FGF14: variants seen among roughly 807,000 people sequenced by gnomAD.
FGF14 encodes fibroblast growth factor 14.
FGF14 carries 5 observed loss-of-function variants against 25.5 expected under a neutral mutation model. The ratio of observed to expected loss-of-function variants is 0.20; its 90% confidence interval spans 0.10 to 0.41. FGF14 has a LOEUF of 0.41. Ranked by LOEUF, FGF14 falls within the 10% of genes least tolerant of loss-of-function variation. The pLI is 1.00. For missense variants in FGF14, 222 were observed against 320.1 expected (o/e 0.69, Z 2.34); for synonymous variants, 138 against 118.3 (o/e 1.17, Z -1.08).
Position 102,033,424 on chromosome 13 carries a change from C to T in FGF14, c.209-158128G>A, listed in dbSNP as rs185454561. On this transcript the variant is annotated intron_variant, in intron 1 of 4. Coordinates refer to the FGF14 transcript ENST00000376131. ...AATTCCTGGGAGAAAAAGAAGCGTT[C>T]TATATTTTAAAAGAACACCAAGCTT... 4.0e-3 allele frequency among the ~76,000 whole-genome samples: 616 copies of T among 152,208 alleles called. 6 individuals are homozygous for T. Among genetic ancestry groups the T allele is most frequent in the African/African-American group, 0.014 (573 of 41,548 alleles).
At chr13:101,769,512 A>G (rs2038623870) in intron 3 of FGF14, among the ~76,000 whole-genome samples, 3 of 152,158 alleles carry the variant, frequency 2.0e-5, no homozygotes, top group Non-Finnish European at 2.9e-5. Flanking sequence ...GCAAATATCT[A>G]TGGCAGCTGC....
intron 1 of FGF14, among the ~76,000 whole-genome samples, chr13:102,247,026 T>C (rs1296838587): frequency 6.6e-6 from 1 of 152,076 alleles, no homozygotes; most frequent in Non-Finnish European, 1.5e-5. Context: ...CTGGGAAAAC[T>C]TGTTAGCCAT....
At chr13:102,326,693 G>GGGAAGGGAAGGGAAGGGAA in intron 1 of FGF14, among the ~76,000 whole-genome samples, 1 of 29,388 alleles carries the variant, frequency 3.4e-5, no homozygotes, top group Non-Finnish European at 6.3e-5. Flanking sequence ...GGGAAGGGAA[G>GGGAAGGGAAGGGAAGGGAA]GGAAGGAAGG....
chr13:102,227,970 A>G (rs1409928724), intron 1 of FGF14, among the ~76,000 whole-genome samples: 1 of 152,182 alleles, frequency 6.6e-6, no homozygotes, highest in Non-Finnish European at 1.5e-5. Context: ...TTTATTTTAA[A>G]TATGTTTACC....
chr13:101,937,487 G>A (rs1007670361), intron 1 of FGF14, among the ~76,000 whole-genome samples: 14 of 152,212 alleles, frequency 9.2e-5, no homozygotes, highest in Non-Finnish European at 8.8e-5. Context: ...GAAGGTGGCC[G>A]TGGGCAAGCC....
At chr13:102,266,535 T>C (rs1691916819) in intron 1 of FGF14, among the ~76,000 whole-genome samples, 1 of 152,104 alleles carries the variant, frequency 6.6e-6, no homozygotes, top group Non-Finnish European at 1.5e-5. Context: ...AAAGATCAGA[T>C]AAATACCGCA....
At chr13:101,723,430 CATTAA>C (rs1426195361) in intron 4 of FGF14, among the ~76,000 whole-genome samples, 3 of 152,178 alleles carry the variant, frequency 2.0e-5, no homozygotes, top group Admixed American at 6.5e-5. Flanking sequence ...CATCCTAGAA[CATTAA>C]ATTACTTTCT....
intron 1 of FGF14, among the ~76,000 whole-genome samples, chr13:102,059,920 C>T (rs1428374155): frequency 1.4e-5 from 2 of 140,690 alleles, no homozygotes; most frequent in African/African-American, 6.3e-5. Context: ...AACAAACAAA[C>T]AAAACAAAAG....
intron 1 of FGF14, among the ~76,000 whole-genome samples, chr13:102,328,772 T>G (rs2056543212): frequency 6.6e-6 from 1 of 152,204 alleles, no homozygotes; most frequent in Non-Finnish European, 1.5e-5. Context: ...CCCTAACAAA[T>G]AAATGGAGCC....
At chr13:102,114,717 T>A (rs593137) in intron 1 of FGF14, among the ~76,000 whole-genome samples, 5,761 of 152,194 alleles carry the variant, frequency 0.038, 327 homozygotes, top group African/African-American at 0.13. Context: ...GTAAGCAATA[T>A]AACTCAGTCA....
intron 1 of FGF14, among the ~76,000 whole-genome samples, chr13:102,307,493 A>C (rs1342771758): frequency 6.6e-6 from 1 of 152,206 alleles, no homozygotes; most frequent in East Asian, 1.9e-4. Context: ...TGAGTTTATA[A>C]AACTAAATTC....
chr13:101,946,510 A>G (rs1168925197), intron 1 of FGF14, among the ~76,000 whole-genome samples: 1 of 152,212 alleles, frequency 6.6e-6, no homozygotes, highest in East Asian at 1.9e-4. Flanking sequence ...AAGGCAATGC[A>G]GTCCATATGG....
intron 1 of FGF14, among the ~76,000 whole-genome samples, chr13:102,057,795 T>A (rs1047680691): frequency 6.6e-5 from 10 of 152,172 alleles, no homozygotes; most frequent in African/African-American, 2.4e-4. Flanking sequence ...CTGAATACAT[T>A]TAACCACTGT....
At chr13:101,986,398 C>T (rs1205153816) in intron 1 of FGF14, among the ~76,000 whole-genome samples, 2 of 152,192 alleles carry the variant, frequency 1.3e-5, no homozygotes, top group African/African-American at 2.4e-5. Flanking sequence ...ATTGAATCTA[C>T]AGCAATCTTA....
intron 1 of FGF14, among the ~76,000 whole-genome samples, chr13:102,267,669 G>A (rs1423701434): frequency 8.6e-5 from 13 of 152,042 alleles, no homozygotes; most frequent in Non-Finnish European, 7.4e-5. Context: ...GACTGCTAGT[G>A]CTAGATCAAT....
chr13:102,165,760 C>T lies in FGF14; in HGVS notation c.208+235711G>A, dbSNP rs139750244. ...AGCACACCAACATGGCACATGTATACGTATGTAACCTACACGTTGTGCACA... is the reference window on the plus strand; with the variant it reads ...AGCACACCAACATGGCACATGTATATGTATGTAACCTACACGTTGTGCACA... On this transcript the variant is annotated intron_variant, in intron 1 of 4. Transcript: ENST00000376131. Among the ~76,000 whole-genome samples the T allele has an allele frequency of 3.5e-4, 53 of 149,640 alleles. No individual in the cohort carries two copies. In the East Asian group the frequency reaches 7.4e-3, roughly 21 times the overall value.
rs2034663506 is a variant in FGF14 at position 101,715,237 on chromosome 13, G to A, written c.*7594C>T. ...CTCATGTTATGTCAAAGAGCCTTAT[G>A]TTTTTCTGTATTTATTCATAAGTCA... On this transcript the variant is annotated 3_prime_UTR_variant, in exon 5 of 5. Transcript: ENST00000376143. 8.7e-6 allele frequency: 2 copies of A among 229,732 alleles called. No homozygotes were observed. Among genetic ancestry groups the A allele is most frequent in the Non-Finnish European group, 1.7e-5 (2 of 116,162 alleles). The allele number at this position is 229,732 out of a possible 1,614,324, so 14.2% of individuals were successfully genotyped here. A position where few individuals can be genotyped will look rare whatever the true frequency, so the allele number is the denominator to read the frequency against.
chr13:102,051,665 T>G (rs928407455), intron 1 of FGF14, among the ~76,000 whole-genome samples: 1 of 152,218 alleles, frequency 6.6e-6, no homozygotes, highest in Non-Finnish European at 1.5e-5. Context: ...CCTTAGCTGA[T>G]AGAGCTATAC....
intron 3 of FGF14, among the ~76,000 whole-genome samples, chr13:101,864,911 C>T (rs1446193844): frequency 1.3e-5 from 2 of 152,040 alleles, no homozygotes; most frequent in Non-Finnish European, 2.9e-5. Flanking sequence ...GAATTGTAAA[C>T]CCCATAATTA....
Sources: gnomAD v4.1 joint callset for allele counts (sites outside exome capture counted in the v4.1 genomes callset) on GRCh38, gnomAD v4.1.1 for gene constraint, MANE v1.5 for transcripts, NCBI Gene and HGNC (gene_info 2026-07-23, HGNC 2026-07-21) for gene names.